GLI3: variants seen among roughly 807,000 people sequenced by gnomAD.
GLI3 encodes transcription activator GLI3.
In GLI3, 20 loss-of-function variants were observed where a neutral mutation model predicts 100.8. The ratio of observed to expected loss-of-function variants is 0.20; its 90% CI spans 0.14 to 0.29. GLI3 has a LOEUF of 0.29. Ranked by LOEUF, GLI3 falls within the 10% of genes least tolerant of loss-of-function variation. GLI3 has a pLI of 1.00. For synonymous variants in GLI3, 938 were observed against 860.5 expected (o/e 1.09, Z -1.58); for missense variants, 2,040 against 2,128.5 (o/e 0.96, Z 0.82).
chr7:42,148,493 A>G lies in GLI3; in HGVS notation c.125-25T>C. ...TCTAAAGAAAGAAGAAAAATGAAAGACTCTGTAAACTACTTTAAGGAGCAA... is the reference window on the plus strand; with the variant it reads ...TCTAAAGAAAGAAGAAAAATGAAAGGCTCTGTAAACTACTTTAAGGAGCAA... On this transcript the variant is annotated intron_variant, in intron 2 of 14. Transcript: ENST00000395925. The G allele has an allele frequency of 3.1e-6, 5 of 1,602,434 alleles. No homozygotes were observed. In the South Asian group the frequency reaches 4.4e-5, roughly 14 times the overall value.
At chr7:42,012,882 G>C (rs1341468571) in intron 10 of GLI3, among the ~76,000 whole-genome samples, 1 of 152,176 alleles carries the variant, frequency 6.6e-6, no homozygotes, top group Non-Finnish European at 1.5e-5. Context: ...CCTGCCCCCA[G>C]GAAAGGCCAC....
intron 1 of GLI3, among the ~76,000 whole-genome samples, chr7:42,231,633 T>A (rs987779639): frequency 6.6e-6 from 1 of 152,224 alleles, no homozygotes; most frequent in South Asian, 2.1e-4. Flanking sequence ...CAGGTTTCCA[T>A]ACATCAGAGT....
upstream of GLI3, among the ~76,000 whole-genome samples, chr7:42,241,609 T>C (rs1404214271): frequency 6.6e-6 from 1 of 152,224 alleles, no homozygotes; most frequent in Non-Finnish European, 1.5e-5. Context: ...GGGGCCCTTC[T>C]TGGGGTCTCT....
At chr7:42,119,132 C>T (rs1388961873) in intron 3 of GLI3, among the ~76,000 whole-genome samples, 2 of 152,152 alleles carry the variant, frequency 1.3e-5, no homozygotes, top group African/African-American at 4.8e-5. Context: ...CAAGGGAAGC[C>T]GAGGCCTCTG....
At chr7:42,019,636 TTATAA>T (rs1407566395) in intron 10 of GLI3, among the ~76,000 whole-genome samples, 1 of 152,154 alleles carries the variant, frequency 6.6e-6, no homozygotes, top group East Asian at 1.9e-4. Flanking sequence ...TTCACGTCTT[TTATAA>T]TATAATGCTC....
chr7:42,206,407 T>G (rs1050039606), intron 2 of GLI3, among the ~76,000 whole-genome samples: 1 of 151,994 alleles, frequency 6.6e-6, no homozygotes, highest in Non-Finnish European at 1.5e-5. Context: ...TAATATTTTG[T>G]TACATTTGCT....
At chr7:42,077,957 C>G (rs1784915166) in intron 3 of GLI3, among the ~76,000 whole-genome samples, 1 of 152,186 alleles carries the variant, frequency 6.6e-6, no homozygotes, top group Non-Finnish European at 1.5e-5. Context: ...ATGCTGGGAG[C>G]CTGCCTAGAG....
At chr7:42,054,096 G>T (rs994135375) in intron 4 of GLI3, among the ~76,000 whole-genome samples, 6 of 152,104 alleles carry the variant, frequency 3.9e-5, no homozygotes, top group African/African-American at 1.4e-4. Flanking sequence ...TTTCCGTATT[G>T]CCCAGTGGAA....
chr7:42,063,972 A>G (rs921746812), intron 4 of GLI3, among the ~76,000 whole-genome samples: 14 of 152,180 alleles, frequency 9.2e-5, no homozygotes, highest in African/African-American at 3.4e-4. Context: ...TTTTAATAGA[A>G]AAGGATGGTA....
chr7:41,996,613 AG>A (rs547379525), intron 10 of GLI3, among the ~76,000 whole-genome samples: 324 of 152,312 alleles, frequency 2.1e-3, no homozygotes, highest in Non-Finnish European at 3.3e-3. Context: ...AAGGAATCTG[AG>A]GGGGTATGGG....
intron 3 of GLI3, among the ~76,000 whole-genome samples, chr7:42,141,452 A>G (rs539884837): frequency 3.4e-4 from 52 of 152,250 alleles, no homozygotes; most frequent in African/African-American, 1.1e-3. Context: ...CGGACGGATC[A>G]CCTGAGGTCA....
At chr7:42,060,325 C>T (rs116427771) in intron 4 of GLI3, among the ~76,000 whole-genome samples, 96 of 152,176 alleles carry the variant, frequency 6.3e-4, no homozygotes, top group African/African-American at 2.2e-3. Context: ...TGTTTGTGGC[C>T]GGGTGAGTTC....
chr7:41,977,454 C>T, intron 12 of GLI3, 104 bp downstream of exon 12: 1 of 1,245,008 alleles, frequency 8.0e-7, no homozygotes, highest in Non-Finnish European at 1.2e-6. Context: ...CTGGGAATGG[C>T]CAAGGGGAAA....
At chr7:41,981,278 C>T (rs1186885309) in intron 10 of GLI3, among the ~76,000 whole-genome samples, 3 of 152,204 alleles carry the variant, frequency 2.0e-5, no homozygotes, top group South Asian at 2.1e-4. Flanking sequence ...ACATCCATGA[C>T]GTAGGTAAGC....
At chr7:41,997,337 G>A (rs1471795666) in intron 10 of GLI3, among the ~76,000 whole-genome samples, 1 of 151,972 alleles carries the variant, frequency 6.6e-6, no homozygotes, top group Non-Finnish European at 1.5e-5. Context: ...AAGTCACTAT[G>A]TGGTGGCTGG....
chr7:42,171,756 C>T (rs1294270988), intron 2 of GLI3, among the ~76,000 whole-genome samples: 1 of 152,188 alleles, frequency 6.6e-6, no homozygotes, highest in African/African-American at 2.4e-5. Context: ...TAGAGAATTC[C>T]TTCTGTCACT....
At chr7:42,066,583 C>T (rs1784679977) in intron 4 of GLI3, among the ~76,000 whole-genome samples, 1 of 152,164 alleles carries the variant, frequency 6.6e-6, no homozygotes, top group Admixed American at 6.5e-5. Flanking sequence ...AGCCTGCTCC[C>T]CACATTCCAG....
intron 10 of GLI3, among the ~76,000 whole-genome samples, chr7:42,015,363 C>T (rs1214567005): frequency 6.6e-6 from 1 of 151,980 alleles, no homozygotes; most frequent in Non-Finnish European, 1.5e-5. Context: ...TGAGGATATC[C>T]CATTTACAGT....
intron 10 of GLI3, among the ~76,000 whole-genome samples, chr7:42,011,333 T>A (rs1277590149): frequency 2.6e-5 from 4 of 152,186 alleles, no homozygotes; most frequent in African/African-American, 7.2e-5. Flanking sequence ...GCCTACAGCT[T>A]AAACCCTGCC....
Sources: allele counts gnomAD v4.1 joint callset (sites outside exome capture counted in the v4.1 genomes callset), GRCh38; gene constraint gnomAD v4.1.1; transcripts MANE v1.5; gene names NCBI Gene and HGNC (gene_info 2026-07-23, HGNC 2026-07-21).